The following AGRN variants were observed in gnomAD, a reference collection of about 807,000 sequenced individuals.
AGRN encodes agrin, also known as agrin proteoglycan.
Under a neutral mutation model 211.0 loss-of-function variants are expected in AGRN, and 106 were observed. The ratio of observed to expected loss-of-function variants is 0.50; its 90% CI spans 0.43 to 0.59. AGRN has a LOEUF of 0.59. Among genes scored for constraint, AGRN ranks in the 20% least tolerant of loss-of-function variants. AGRN has a pLI of 0.00. For missense variants in AGRN, 3,040 were observed against 2,982.6 expected (o/e 1.02, Z -0.45); for synonymous variants, 1,525 against 1,332.5 (o/e 1.14, Z -3.15).
intron 2 of AGRN, among the ~76,000 whole-genome samples, chr1:1,023,758 A>G (rs888506170): frequency 3.2e-4 from 48 of 152,126 alleles, no homozygotes; most frequent in Non-Finnish European, 6.8e-4. Context: ...CGGCTGAACG[A>G]GGCTCTGCAT....
At chr1:1,024,615 C>T (rs1359697007) in intron 2 of AGRN, among the ~76,000 whole-genome samples, 2 of 152,090 alleles carry the variant, frequency 1.3e-5, no homozygotes, top group Non-Finnish European at 1.5e-5. Context: ...CCACGCCCCT[C>T]ACCACCCCTG....
rs965048256 is a variant in AGRN at position 1,049,433 on chromosome 1, C to A, written c.4496C>A (p.Pro1499His). 1 of 1,599,468 alleles carries A rather than the reference C, an allele frequency of 6.3e-7. No individual in the cohort carries two copies. Residue 1499 changes from proline (P) to histidine (H), a missense_variant, in exon 25 of 36, where the codon CCC becomes CAC. Around this residue, in one of 3 missense-constraint regions of AGRN, gnomAD observed 1,537 missense variants for 1,505.0 expected, o/e 1.02. Transcript: ENST00000379370. ...ACAGACCTCTTTGTGGGCGGCGTAC[C>A]CGAGGACCAGGCTGCCGTGTGAGTC... The part of the protein sequence containing the change: ...LDTDLFVGGV[P>H]EDQAAVALER...
Position 1,044,215 on chromosome 1 carries a change from G to T in AGRN, c.2106G>T (p.Pro702=). The change falls in exon 11 of 36, where the codon CCG becomes CCT. Residue 702 remains proline, a synonymous_variant. Transcript: ENST00000379370. ...GGGACGAGGACTCGGAGGACGGGCCGTGTGTCTGTGACTTCAGCTGCCAGA... is the reference window on the plus strand; with the variant it reads ...GGGACGAGGACTCGGAGGACGGGCCTTGTGTCTGTGACTTCAGCTGCCAGA... ...GIWDEDSEDG[P]CVCDFSCQSV... is the part of the protein sequence containing the mutation. The T allele has an allele frequency of 6.2e-7, 1 of 1,613,058 alleles. No individual in the cohort carries two copies.
At position 1,045,864 on chromosome 1, in the gene AGRN, G is replaced by C. The variant is rs202061838; in HGVS notation, c.2668G>C (p.Gly890Arg). The change falls in exon 15 of 36, where the codon GGC becomes CGC. Residue 890 changes from glycine (G) to arginine (R), a missense_variant. Gly to Arg is a moderately radical substitution (Grantham distance 125). Transcript: ENST00000379370. ...AGACGGCCGTGCCCTGGGCCCCGCG[G>C]GCTGTGAAGCTGGTGAGTGAGGGCC... Reference protein sequence around the residue: ...CPDGRALGPAGCEADASAPAT... With the variant: ...CPDGRALGPARCEADASAPAT... 2 of 1,611,026 alleles carry C rather than the reference G, an allele frequency of 1.2e-6. No individual in the cohort carries two copies. The highest frequency in any genetic ancestry group is 2.2e-5 in the South Asian group (2 of 91,056).
In AGRN at chr1:1,032,647, G is replaced by A. The variant is rs1057429375; in HGVS notation, c.464-2630G>A. On this transcript the variant is annotated intron_variant, in intron 2 of 35. Transcript: ENST00000379370. This position sits in a 1 kb window ranked among gnomAD's most constrained non-coding sequence, Gnocchi z 4.7. ...TGCAGAGTGGGTGAGACCGAGTGTG[G>A]CAGATGGCTTGGTCCGCGGTGCTGG... Among the ~76,000 whole-genome samples the A allele has an allele frequency of 2.0e-5, 3 of 152,316 alleles. No individual in the cohort carries two copies. The highest frequency in any genetic ancestry group is 4.1e-4 in the South Asian group (2 of 4,824).
chr1:1,034,479 C>T (rs1644752577), intron 2 of AGRN: 1 of 985,656 alleles, frequency 1.0e-6, no homozygotes, highest in African/African-American at 1.7e-5. Context: ...GGGCGAGCAG[C>T]CCTGAAGAGG....
intron 12 of AGRN, 23 bp downstream of exon 12, chr1:1,044,462 C>T: frequency 6.3e-7 from 1 of 1,593,130 alleles, no homozygotes; most frequent in Admixed American, 1.8e-5. Flanking sequence ...CACGTGGGGT[C>T]TCAGGCACAG....
At chr1:1,051,417 T>G (rs1570249168) in intron 31 of AGRN, 36 bp from the exon 32 acceptor site, 1 of 1,539,592 alleles carries the variant, frequency 6.5e-7, no homozygotes, top group Non-Finnish European at 8.7e-7. Context: ...GCGGGCGGGG[T>G]GGCAGGCGGG....
chr1:1,052,942 G>A (rs2100696028), intron 33 of AGRN: 1 of 167,340 alleles, frequency 6.0e-6, no homozygotes, highest in East Asian at 1.8e-4. Flanking sequence ...GGGGGGATAT[G>A]TAGATGTGTG....
At chr1:1,022,836 C>T (rs972671706) in intron 2 of AGRN, among the ~76,000 whole-genome samples, 7 of 152,402 alleles carry the variant, frequency 4.6e-5, no homozygotes, top group African/African-American at 9.6e-5. Context: ...TCCGTCTAGA[C>T]GGGCCCGCGT....
At chr1:1,030,216 G>GTGT (rs1284780897) in intron 2 of AGRN, among the ~76,000 whole-genome samples, 1 of 88,560 alleles carries the variant, frequency 1.1e-5, no homozygotes, top group African/African-American at 4.5e-5. Context: ...GGTGCTGTGA[G>GTGT]ATCAGCGCGT....
At chr1:1,035,876 T>C (rs561286483) in intron 3 of AGRN, among the ~76,000 whole-genome samples, 37 of 152,218 alleles carry the variant, frequency 2.4e-4, no homozygotes, top group Admixed American at 2.3e-3. Context: ...GCTGACCTTG[T>C]TGACCTGCTT....
chr1:1,024,646 C>T (rs1644479926), intron 2 of AGRN, among the ~76,000 whole-genome samples: 1 of 152,166 alleles, frequency 6.6e-6, no homozygotes, highest in South Asian at 2.1e-4. Context: ...GCCTGAGGTG[C>T]ACCTGCTGCT....
chr1:1,040,912 G>A (rs777883157), intron 4 of AGRN, 32 bp downstream of exon 4: 1 of 1,409,418 alleles, frequency 7.1e-7, no homozygotes, highest in South Asian at 1.5e-5. Context: ...CCTGGGGCGG[G>A]GAGGGGCGGG....
rs1404278043 is a variant in AGRN, at chr1:1,045,720, A to G, written c.2537-13A>G. 2.5e-6 allele frequency: 4 copies of G among 1,613,000 alleles called. No individual in the cohort carries two copies. The highest frequency in any genetic ancestry group is 1.7e-5 in the Admixed American group (1 of 59,994). On this transcript the variant is annotated splice_polypyrimidine_tract_variant and intron_variant, in intron 14 of 35. Coordinates refer to ENST00000379370, the MANE Select transcript of AGRN (RefSeq NM_198576.4). The stretch of plus-strand genomic sequence containing the variant: ...GGTGCGGACATCACGTTCCTCCCCG[A>G]TTTTCCCCAAAGCCTGCAGCTGTGA...
chr1:1,034,472 C>T (rs757590944), intron 2 of AGRN: 6 of 985,624 alleles, frequency 6.1e-6, no homozygotes, highest in Non-Finnish European at 7.2e-6. Context: ...CAGGATGGGG[C>T]GAGCAGCCCT....
At chr1:1,050,139 A>G (rs1279954961) in intron 27 of AGRN, 94 bp from the exon 28 acceptor site, 25 of 1,591,010 alleles carry the variant, frequency 1.6e-5, no homozygotes, top group Non-Finnish European at 2.2e-5. Flanking sequence ...GGCTCAGTCT[A>G]GTCTGGGTTT....
At chr1:1,026,810 C>T (rs765964092) in intron 2 of AGRN, among the ~76,000 whole-genome samples, 1 of 152,208 alleles carries the variant, frequency 6.6e-6, no homozygotes, top group Non-Finnish European at 1.5e-5. Flanking sequence ...AAAGGAAGTG[C>T]AGGGCTGAGA....
At chr1:1,035,408 G>T in intron 3 of AGRN, 84 bp downstream of exon 3, 1 of 1,528,084 alleles carries the variant, frequency 6.5e-7, no homozygotes, top group Non-Finnish European at 9.1e-7. Context: ...GCACCCAGAC[G>T]TGTGGAGTGT....
Sources: allele counts gnomAD v4.1 joint callset (sites outside exome capture counted in the v4.1 genomes callset), GRCh38; gene constraint gnomAD v4.1.1; regional missense constraint gnomAD v4.1.1; non-coding constraint Gnocchi (gnomAD v3.1); transcripts MANE v1.5; gene names NCBI Gene and HGNC (gene_info 2026-07-23, HGNC 2026-07-21).